The following LARGE1 variants were observed in gnomAD, a reference collection of about 807,000 sequenced individuals.
LARGE1 encodes xylosyl- and glucuronyltransferase LARGE1.
Under a neutral mutation model 87.6 loss-of-function variants are expected in LARGE1, and 43 were observed. That is an observed-to-expected ratio of 0.49 (90% CI 0.38 to 0.63). The LOEUF (loss-of-function observed/expected upper bound fraction) is 0.63. Among genes scored for constraint, LARGE1 ranks in the 30% least tolerant of loss-of-function variants. The pLI, the probability that LARGE1 is intolerant of heterozygous loss-of-function variation, is 0.00. For synonymous variants in LARGE1, 434 were observed against 394.6 expected, an observed-to-expected ratio of 1.10 and a Z score of -1.18; for missense variants, 802 against 1,000.2, an observed-to-expected ratio of 0.80 and a Z score of 2.67.
chr22:33,846,760 T>C (rs1200484010), intron 1 of LARGE1, among the ~76,000 whole-genome samples: 3 of 152,138 alleles, frequency 2.0e-5, no homozygotes, highest in South Asian at 4.1e-4. Context: ...TGAAATAGAC[T>C]CCAGTCTCCC....
At chr22:33,618,749 G>A (rs1333060772) in intron 4 of LARGE1, among the ~76,000 whole-genome samples, 1 of 152,228 alleles carries the variant, frequency 6.6e-6, no homozygotes, top group Non-Finnish European at 1.5e-5. Context: ...CAGGTCCCCA[G>A]TGAAATCCAA....
chr22:33,434,729 A>G (rs1310831055), intron 6 of LARGE1, among the ~76,000 whole-genome samples: 1 of 152,194 alleles, frequency 6.6e-6, no homozygotes, highest in Non-Finnish European at 1.5e-5. Flanking sequence ...ACTTCTTCAG[A>G]CAAATACTCT....
In LARGE1 at chr22:33,518,121, A is replaced by G. The variant is rs1362251656; in HGVS notation, c.787+46727T>C. On this transcript the variant is annotated intron_variant, in intron 6 of 14. Transcript: ENST00000397394. ...TCTGGCAACTTCATACCTTAAGCCA[A>G]GAAGCTAGAATAATGGTTAATGTGC... Among the ~76,000 whole-genome samples the G allele has an allele frequency of 5.9e-5, 9 of 152,352 alleles. No individual in the cohort carries two copies. In the South Asian group the frequency reaches 1.7e-3, roughly 28 times the overall value.
intron 10 of LARGE1, among the ~76,000 whole-genome samples, chr22:33,335,961 G>C (rs1938393896): frequency 6.6e-6 from 1 of 152,206 alleles, no homozygotes; most frequent in African/African-American, 2.4e-5. Flanking sequence ...TAAACATCAT[G>C]AGATCAGGAA....
chr22:33,673,856 TTGTGGG>T (rs1375342612), intron 2 of LARGE1, among the ~76,000 whole-genome samples: 191 of 74,026 alleles, frequency 2.6e-3, no homozygotes, highest in Non-Finnish European at 3.7e-3. Flanking sequence ...ATTTTGTGTG[TTGTGGG>T]TGTATTTTTA....
At chr22:33,396,227 A>G (rs2065734889) in intron 7 of LARGE1, among the ~76,000 whole-genome samples, 1 of 152,210 alleles carries the variant, frequency 6.6e-6, no homozygotes, top group South Asian at 2.1e-4. Context: ...CACCCTCAGA[A>G]TCGCAACCTT....
At chr22:33,735,378 C>A (rs937970319) in intron 2 of LARGE1, among the ~76,000 whole-genome samples, 1 of 152,174 alleles carries the variant, frequency 6.6e-6, no homozygotes, top group African/African-American at 2.4e-5. Context: ...CCCTGGGTGT[C>A]CCCCCTGCAT....
intron 1 of LARGE1, among the ~76,000 whole-genome samples, chr22:33,892,885 G>T (rs530034182): frequency 6.6e-6 from 1 of 152,196 alleles, no homozygotes; most frequent in South Asian, 2.1e-4. Flanking sequence ...ACAAGAGCCC[G>T]TGTGCAGGCA....
At chr22:33,266,512 C>G (rs770107191) in intron 11 of LARGE1, among the ~76,000 whole-genome samples, 5 of 151,802 alleles carry the variant, frequency 3.3e-5, no homozygotes, top group Non-Finnish European at 5.9e-5. Context: ...GCATGAGCCA[C>G]AGTGCCGAGC....
chr22:33,455,949 T>C (rs1185042926), intron 6 of LARGE1, among the ~76,000 whole-genome samples: 5 of 152,114 alleles, frequency 3.3e-5, no homozygotes, highest in Non-Finnish European at 5.9e-5. Flanking sequence ...CTCTAATTGG[T>C]GGACCCTCAC....
rs372273611 is a variant in LARGE1, at chr22:33,272,535, C to A, written c.*1892G>T. 2.0e-5 allele frequency among the ~76,000 whole-genome samples: 3 copies of A among 152,152 alleles called. No homozygotes were observed. The highest frequency in any genetic ancestry group is 2.9e-5 in the Non-Finnish European group (2 of 68,034). On this transcript the variant is annotated 3_prime_UTR_variant, in exon 15 of 15. Coordinates refer to ENST00000397394, the MANE Select transcript of LARGE1 (RefSeq NM_133642.5). The stretch of plus-strand genomic sequence containing the variant: ...TTCAAAATTTTTGTTCTGCTTTATA[C>A]ATATATGTCACTTTTTATTTATAAA...
intron 1 of LARGE1, among the ~76,000 whole-genome samples, chr22:33,780,317 A>G (rs2085378637): frequency 1.3e-5 from 2 of 152,224 alleles, no homozygotes; most frequent in African/African-American, 4.8e-5. Flanking sequence ...ACAGAATTCA[A>G]CCCATAACAG....
chr22:33,681,044 AT>A (rs2081753302), intron 2 of LARGE1, among the ~76,000 whole-genome samples: 1 of 145,278 alleles, frequency 6.9e-6, no homozygotes, highest in South Asian at 2.2e-4. Context: ...TAATTTAAAA[AT>A]ATCACAGTGT....
intron 1 of LARGE1, among the ~76,000 whole-genome samples, chr22:33,895,325 A>G (rs574868898): frequency 6.6e-6 from 1 of 152,272 alleles, no homozygotes; most frequent in South Asian, 2.1e-4. Flanking sequence ...GATGGAATGG[A>G]CTCAGGCAGG....
chr22:33,694,965 T>C (rs995308442), intron 2 of LARGE1, among the ~76,000 whole-genome samples: 2 of 152,204 alleles, frequency 1.3e-5, no homozygotes, highest in Non-Finnish European at 2.9e-5. Context: ...GTGAATACTA[T>C]ATCCAGGCTG....
At chr22:33,755,815 G>A (rs536812847) in intron 2 of LARGE1, among the ~76,000 whole-genome samples, 1 of 152,286 alleles carries the variant, frequency 6.6e-6, no homozygotes, top group East Asian at 1.9e-4. Flanking sequence ...GTTAGACACT[G>A]GGAGTGTAAC....
intron 6 of LARGE1, among the ~76,000 whole-genome samples, chr22:33,519,918 A>G (rs1309173623): frequency 1.3e-5 from 2 of 150,834 alleles, no homozygotes; most frequent in Non-Finnish European, 3.0e-5. Flanking sequence ...TTTCCTTAGG[A>G]TTAAGAAGTT....
intron 11 of LARGE1, among the ~76,000 whole-genome samples, chr22:33,195,323 C>T (rs981442170): frequency 6.6e-6 from 1 of 152,124 alleles, no homozygotes; most frequent in African/African-American, 2.4e-5. Flanking sequence ...ACATTATGAA[C>T]TATTCTGAAC....
At chr22:33,179,310 A>G (rs1923040963) in intron 11 of LARGE1, among the ~76,000 whole-genome samples, 1 of 152,258 alleles carries the variant, frequency 6.6e-6, no homozygotes, top group African/African-American at 2.4e-5. Context: ...GCTGTCATTT[A>G]GAATGAGATT....
Sources: gnomAD v4.1 joint callset for allele counts (sites outside exome capture counted in the v4.1 genomes callset) on GRCh38, gnomAD v4.1.1 for gene constraint, MANE v1.5 for transcripts, NCBI Gene and HGNC (gene_info 2026-07-23, HGNC 2026-07-21) for gene names.